WWTR1: variants seen among roughly 807,000 people sequenced by gnomAD.
The protein encoded by WWTR1 is WW domain containing transcription regulator 1.
WWTR1 carries 13 observed loss-of-function variants against 40.1 expected under a neutral mutation model. The observed-to-expected ratio is 0.32, with a 90% CI of 0.21 to 0.52. The LOEUF (loss-of-function observed/expected upper bound fraction) is 0.52. Among genes scored for constraint, WWTR1 ranks in the 20% least tolerant of loss-of-function variants. WWTR1 has a pLI of 0.97. For synonymous variants in WWTR1, 230 were observed against 210.1 expected, an observed-to-expected ratio of 1.09 and a Z score of -0.82; for missense variants, 436 against 523.1, an observed-to-expected ratio of 0.83 and a Z score of 1.63.
chr3:149,561,182 C>T (rs1240513869), intron 3 of WWTR1, among the ~76,000 whole-genome samples: 1 of 152,028 alleles, frequency 6.6e-6, no homozygotes, highest in Non-Finnish European at 1.5e-5. Flanking sequence ...ATAGAATCAA[C>T]CTATATGTCT....
At chr3:149,541,193 G>A in intron 4 of WWTR1, 1 of 364,454 alleles carries the variant, frequency 2.7e-6, no homozygotes, top group Non-Finnish European at 5.4e-6. Flanking sequence ...CAAAAATGTA[G>A]CCAGAAAAAA....
intron 1 of WWTR1, among the ~76,000 whole-genome samples, chr3:149,676,827 A>G (rs770564597): frequency 6.6e-6 from 1 of 152,020 alleles, no homozygotes; most frequent in Non-Finnish European, 1.5e-5. Flanking sequence ...AGTCAGCAAA[A>G]GAGTCAGAGA....
intron 2 of WWTR1, among the ~76,000 whole-genome samples, chr3:149,580,908 G>A (rs1738127228): frequency 6.6e-6 from 1 of 152,192 alleles, no homozygotes; most frequent in Non-Finnish European, 1.5e-5. Context: ...CACCGCGCCT[G>A]GCGACAATAT....
chr3:149,648,153 A>T (rs755207589), intron 2 of WWTR1, among the ~76,000 whole-genome samples: 1 of 152,108 alleles, frequency 6.6e-6, no homozygotes, highest in Non-Finnish European at 1.5e-5. Flanking sequence ...GCCTTCATTC[A>T]TCTCCCTCTC....
intron 1 of WWTR1, among the ~76,000 whole-genome samples, chr3:149,696,612 C>T (rs1715000988): frequency 6.6e-6 from 1 of 152,218 alleles, no homozygotes; most frequent in South Asian, 2.1e-4. Context: ...GTTACAGAAT[C>T]TATTCTCATG....
At chr3:149,716,532 C>G (rs1442024806) in intron 5 of WWTR1, among the ~76,000 whole-genome samples, 4 of 151,968 alleles carry the variant, frequency 2.6e-5, no homozygotes, top group African/African-American at 9.7e-5. Flanking sequence ...TCTGAATATA[C>G]TGTGATTGAG....
chr3:149,624,499 C>T (rs1256502724), intron 2 of WWTR1, among the ~76,000 whole-genome samples: 1 of 152,180 alleles, frequency 6.6e-6, no homozygotes, highest in African/African-American at 2.4e-5. Flanking sequence ...AATCTATATT[C>T]TGTGCTGCAT....
chr3:149,546,140 A>G, intron 3 of WWTR1, among the ~76,000 whole-genome samples: 1 of 152,218 alleles, frequency 6.6e-6, no homozygotes, highest in East Asian at 1.9e-4. Flanking sequence ...AGACATTCAC[A>G]GGAGGTAATG....
At chr3:149,618,474 A>C (rs1297026752) in intron 2 of WWTR1, among the ~76,000 whole-genome samples, 1 of 152,230 alleles carries the variant, frequency 6.6e-6, no homozygotes, top group Non-Finnish European at 1.5e-5. Flanking sequence ...AAGAGGCTAG[A>C]GAGCTTACCC....
Position 149,527,899 on chromosome 3 carries a change from G to A in WWTR1, c.842C>T (p.Pro281Leu), listed in dbSNP as rs1379807304. Reference protein sequence around the residue: ...TLAPVQAAVNPPTMTPDMRSI... With the variant: ...TLAPVQAAVNLPTMTPDMRSI... ...TCTCATGTCTGGGGTCATCGTGGGT[G>A]GGTTGACAGCAGCCTGAACTGGGGC... The change falls in exon 5 of 7, where the codon CCA becomes CTA. Residue 281 changes from proline to leucine, a missense_variant. Coordinates refer to ENST00000360632, the MANE Select transcript of WWTR1 (RefSeq NM_015472.6). The A allele has an allele frequency of 1.9e-6, 3 of 1,614,134 alleles. No homozygotes were observed. The South Asian group carries it at 3.3e-5, about 18-fold the overall frequency.
upstream of WWTR1, chr3:149,661,413 T>C (rs1320511081): frequency 1.5e-5 from 2 of 137,580 alleles, no homozygotes; most frequent in Non-Finnish European, 3.1e-5. Flanking sequence ...GAATAAAAAG[T>C]TGCAAATAAA....
chr3:149,622,440 A>C (rs959914659), intron 2 of WWTR1, among the ~76,000 whole-genome samples: 2 of 139,150 alleles, frequency 1.4e-5, no homozygotes, highest in African/African-American at 5.5e-5. Context: ...ATATTTTCCC[A>C]GAAAGAAAGA....
chr3:149,535,151 T>TA (rs1180776649), intron 4 of WWTR1, among the ~76,000 whole-genome samples: 1 of 152,044 alleles, frequency 6.6e-6, no homozygotes, highest in Admixed American at 6.6e-5. Flanking sequence ...CTGCTTGATT[T>TA]AAGTGTGTGT....
upstream of WWTR1, among the ~76,000 whole-genome samples, chr3:149,707,716 T>C (rs1559846878): frequency 6.6e-6 from 1 of 152,012 alleles, no homozygotes; most frequent in African/African-American, 2.4e-5. Context: ...GCAATGTAGG[T>C]TCTCAGCTCC....
intron 2 of WWTR1, among the ~76,000 whole-genome samples, chr3:149,632,878 G>A (rs1225399691): frequency 3.9e-5 from 6 of 152,202 alleles, no homozygotes; most frequent in Non-Finnish European, 8.8e-5. Flanking sequence ...AAGTGGATTA[G>A]TAATTTCTTA....
At position 149,633,225 on chromosome 3, in the gene WWTR1, C is replaced by T. The variant is rs1171911729; in HGVS notation, c.431+23651G>A. Among the ~76,000 whole-genome samples, 12 of 152,094 alleles carry T rather than the reference C, an allele frequency of 7.9e-5. No homozygotes were observed. The East Asian group carries it at 2.3e-3, about 29-fold the overall frequency. ...GCAACATAGGAAGACCCCATCGCTA[C>T]AAAAATAAAATAAGCCAGCCAGGCA... On this transcript the variant is annotated intron_variant, in intron 2 of 6. Transcript: ENST00000360632.
chr3:149,629,022 G>A (rs778622945), intron 2 of WWTR1, among the ~76,000 whole-genome samples: 7 of 152,000 alleles, frequency 4.6e-5, no homozygotes, highest in Non-Finnish European at 7.4e-5. Context: ...TCTTACCATC[G>A]TGTCCTCCCA....
chr3:149,532,689 A>G (rs1735643272), intron 4 of WWTR1, among the ~76,000 whole-genome samples: 1 of 152,228 alleles, frequency 6.6e-6, no homozygotes, highest in African/African-American at 2.4e-5. Context: ...ACATGTTGCC[A>G]TCCAAACAGG....
At chr3:149,560,126 T>C (rs180809459) in intron 3 of WWTR1, among the ~76,000 whole-genome samples, 46 of 152,180 alleles carry the variant, frequency 3.0e-4, no homozygotes, top group African/African-American at 1.0e-3. Context: ...GTCTTCTTGA[T>C]AGGAGGAAAA....
Sources: gnomAD v4.1 joint callset for allele counts (sites outside exome capture counted in the v4.1 genomes callset) on GRCh38, gnomAD v4.1.1 for gene constraint, MANE v1.5 for transcripts, NCBI Gene and HGNC (gene_info 2026-07-23, HGNC 2026-07-21) for gene names.